Variants in PLA2G4E observed in about 807,000 individuals in gnomAD.
PLA2G4E encodes phospholipase A2 group IVE.
Under a neutral mutation model 109.1 loss-of-function variants are expected in PLA2G4E, and 84 were observed. The observed-to-expected ratio is 0.77, with a 90% CI of 0.65 to 0.92. The LOEUF (loss-of-function observed/expected upper bound fraction) is 0.92, where lower values mean the gene tolerates loss of function less well. Among genes scored for constraint, PLA2G4E ranks in the 40% least tolerant of loss-of-function variants. The pLI, the probability that PLA2G4E is intolerant of heterozygous loss-of-function variation, is 0.00. For synonymous variants in PLA2G4E, 469 were observed against 436.1 expected (o/e 1.08, Z -0.94); for missense variants, 1,057 against 1,076.6 (o/e 0.98, Z 0.25).
At chr15:41,985,621 A>G (rs2141020280) in intron 18 of PLA2G4E, among the ~76,000 whole-genome samples, 1 of 152,396 alleles carries the variant, frequency 6.6e-6, no homozygotes, top group Admixed American at 6.5e-5. Flanking sequence ...CGAATTTGCT[A>G]AGTCAACATG....
chr15:42,004,023 G>T (rs765616796), intron 5 of PLA2G4E, among the ~76,000 whole-genome samples: 4 of 152,128 alleles, frequency 2.6e-5, no homozygotes, highest in Non-Finnish European at 5.9e-5. Context: ...AATTGAAAAT[G>T]ATTTGGGCTG....
intron 10 of PLA2G4E, 65 bp from the exon 11 acceptor site, chr15:41,997,324 C>T (rs1704357): frequency 0.73 from 1,055,708 of 1,439,964 alleles, 393,292 homozygotes; most frequent in Non-Finnish European, 0.77. Flanking sequence ...GACACAGCTT[C>T]AGGGTCCATT....
chr15:41,995,189 C>G (rs1388517260), intron 12 of PLA2G4E, among the ~76,000 whole-genome samples, 171 bp downstream of exon 12: 1 of 152,246 alleles, frequency 6.6e-6, no homozygotes, highest in Non-Finnish European at 1.5e-5. Flanking sequence ...AGCCGAGCCT[C>G]CAAGGAGTCA....
In PLA2G4E at chr15:42,050,574, GGTCCT is replaced by G. The variant is rs1889489229; in HGVS notation, c.125_129del (p.Gln42ProfsTer18). 12 of 1,550,488 alleles carry G rather than the reference GGTCCT, an allele frequency of 7.7e-6. No individual in the cohort carries two copies. Among genetic ancestry groups the G allele is most frequent in the African/African-American group, 1.4e-5 (1 of 73,050 alleles). On this transcript the variant is annotated frameshift_variant, in exon 1 of 20. Transcript: ENST00000399518. LOFTEE classifies it high-confidence loss of function. Reference sequence around the variant, plus strand: ...AAAGGTGGGAGACCAGGAGTGTCCAGGTCCTGTGTATCCTCGAACTCACTGAAACT... The same window carrying G: ...AAAGGTGGGAGACCAGGAGTGTCCAGGTGTATCCTCGAACTCACTGAAACT...
intron 13 of PLA2G4E, 104 bp downstream of exon 13, chr15:41,992,633 A>C: frequency 8.8e-7 from 1 of 1,136,218 alleles, no homozygotes; most frequent in Non-Finnish European, 1.3e-6. Context: ...CGCAGGTCTA[A>C]CCTAATCCCC....
rs113720892 is a variant in PLA2G4E at position 42,021,434 on chromosome 15, G to A, written c.184-7677C>T. Reference sequence around the variant, plus strand: ...GCCCCTCTAGGAGGATGCGACCGTCGCTCCCAACTCCACTTCAGTTTCATG... The same window carrying A: ...GCCCCTCTAGGAGGATGCGACCGTCACTCCCAACTCCACTTCAGTTTCATG... On this transcript the variant is annotated intron_variant, in intron 1 of 19. Transcript: ENST00000399518. 3.6e-3 allele frequency among the ~76,000 whole-genome samples: 551 copies of A among 151,178 alleles called. 3 individuals carry two copies. The highest frequency in any genetic ancestry group is 0.011 in the African/African-American group (446 of 41,248).
At chr15:42,021,815 C>T (rs2068651253) in intron 1 of PLA2G4E, among the ~76,000 whole-genome samples, 1 of 152,212 alleles carries the variant, frequency 6.6e-6, no homozygotes, top group Non-Finnish European at 1.5e-5. Flanking sequence ...TGAGCTATTG[C>T]CTGGGGCCCC....
chr15:42,046,896 G>A (rs574595134), intron 1 of PLA2G4E, among the ~76,000 whole-genome samples: 14 of 152,290 alleles, frequency 9.2e-5, no homozygotes, highest in Admixed American at 2.6e-4. Context: ...AATCTGATAA[G>A]CTGATATTTG....
At chr15:42,005,293 A>G (rs1243649705) in intron 4 of PLA2G4E, among the ~76,000 whole-genome samples, 1 of 152,182 alleles carries the variant, frequency 6.6e-6, no homozygotes, top group African/African-American at 2.4e-5. Flanking sequence ...TGCCTTCCCA[A>G]GGGACTCAGT....
At chr15:41,989,119 C>A (rs2068197709) in intron 15 of PLA2G4E, among the ~76,000 whole-genome samples, 1 of 152,124 alleles carries the variant, frequency 6.6e-6, no homozygotes, top group Non-Finnish European at 1.5e-5. Context: ...TGGGTTGGCC[C>A]CTGGAAGCAG....
At chr15:41,982,952 T>C (rs1241048288) in exon 20 of PLA2G4E, 2 of 152,176 alleles carry the variant, frequency 1.3e-5, no homozygotes, top group African/African-American at 4.8e-5. Flanking sequence ...ATACTCCGAT[T>C]CATAAAAATA....
At chr15:42,012,528 G>A (rs1426281884) in intron 2 of PLA2G4E, among the ~76,000 whole-genome samples, 4 of 152,150 alleles carry the variant, frequency 2.6e-5, no homozygotes, top group Non-Finnish European at 4.4e-5. Flanking sequence ...GGTGCTCAGG[G>A]GGTGTGGCTC....
At chr15:42,042,661 G>A (rs2141077675) in intron 1 of PLA2G4E, among the ~76,000 whole-genome samples, 1 of 150,272 alleles carries the variant, frequency 6.7e-6, no homozygotes, top group African/African-American at 2.4e-5. Context: ...CTTGAGGTGG[G>A]GTCAGGCAAA....
intron 7 of PLA2G4E, 133 bp downstream of exon 7, chr15:42,001,024 T>C (rs2068412472): frequency 2.3e-6 from 2 of 863,982 alleles, no homozygotes; most frequent in South Asian, 3.3e-5. Context: ...GAGATGATTC[T>C]GAGGGGTTTC....
chr15:42,035,359 A>G (rs1025332782), intron 1 of PLA2G4E, among the ~76,000 whole-genome samples: 7 of 152,212 alleles, frequency 4.6e-5, no homozygotes, highest in African/African-American at 1.7e-4. Flanking sequence ...AGGAGCAACC[A>G]GCACCTGAAA....
intron 2 of PLA2G4E, among the ~76,000 whole-genome samples, chr15:42,008,718 G>T (rs993228114): frequency 3.3e-5 from 5 of 152,168 alleles, no homozygotes; most frequent in African/African-American, 1.2e-4. Context: ...TGGGAGGAGG[G>T]AGGCAGAGGG....
chr15:42,005,701 T>C (rs979571528), intron 4 of PLA2G4E, among the ~76,000 whole-genome samples: 2 of 152,250 alleles, frequency 1.3e-5, no homozygotes, highest in African/African-American at 2.4e-5. Context: ...TTGTGTTCTG[T>C]GAACACTGCT....
In PLA2G4E at chr15:42,024,982, C is replaced by T. The variant is rs558485876; in HGVS notation, c.184-11225G>A. On this transcript the variant is annotated intron_variant, in intron 1 of 19. Transcript: ENST00000399518. ...TTGGGAGGCTGAGGTGGGTGGATCA[C>T]GAGGTCAGGAGATCGAGACCATCCT... Among the ~76,000 whole-genome samples the T allele has an allele frequency of 6.4e-4, 97 of 152,118 alleles. 2 individuals are homozygous for T. In the South Asian group the frequency reaches 0.018, roughly 28 times the overall value.
At chr15:41,987,411 G>A in intron 16 of PLA2G4E, 36 bp from the exon 17 acceptor site, 1 of 1,591,570 alleles carries the variant, frequency 6.3e-7, no homozygotes, top group South Asian at 1.1e-5. Flanking sequence ...CAGGTCATGA[G>A]AGGTGGAGTC....
Sources: gnomAD v4.1 joint callset for allele counts (sites outside exome capture counted in the v4.1 genomes callset) on GRCh38, gnomAD v4.1.1 for gene constraint, MANE v1.5 for transcripts, NCBI Gene and HGNC (gene_info 2026-07-23, HGNC 2026-07-21) for gene names.